Variants in RNF169 observed in about 807,000 individuals in gnomAD.
RNF169 encodes the protein ring finger protein 169.
RNF169 carries 24 observed loss-of-function variants against 53.9 expected under a neutral mutation model. The observed-to-expected ratio is 0.45, with a 90% CI of 0.32 to 0.63. The LOEUF is 0.63. RNF169 is among the 20% of genes least tolerant of loss of function. The probability of loss-of-function intolerance (pLI) is 0.04; values close to 1 mark genes in which losing one functional copy is unlikely to be tolerated. For missense variants in RNF169, 883 were observed against 906.2 expected (o/e 0.97, Z 0.33); for synonymous variants, 396 against 363.5 (o/e 1.09, Z -1.02).
intron 1 of RNF169, among the ~76,000 whole-genome samples, chr11:74,770,897 C>T (rs181125355): frequency 5.9e-5 from 9 of 152,108 alleles, no homozygotes; most frequent in African/African-American, 2.2e-4. Context: ...CCTCTGCCTC[C>T]TGGGTTCAAG....
In RNF169 at chr11:74,840,702, G is replaced by A. The variant is rs1298922648; in HGVS notation, c.*3972G>A. On this transcript the variant is annotated 3_prime_UTR_variant, in exon 6 of 6. Transcript: ENST00000299563. ...TAGGAGAGTGAGAAAAGAGAACAAAGGCTGGGTCACAGTCATAGAATGTTA... is the reference window on the plus strand; with the variant it reads ...TAGGAGAGTGAGAAAAGAGAACAAAAGCTGGGTCACAGTCATAGAATGTTA... 1 of 152,022 alleles carries A rather than the reference G, an allele frequency of 6.6e-6. No individual in the cohort carries two copies. Among genetic ancestry groups the A allele is most frequent in the African/African-American group, 2.4e-5 (1 of 41,350 alleles). 9.4% of individuals were successfully genotyped at this position (152,022 alleles called of 1,614,324 possible). A position where few individuals can be genotyped will look rare whatever the true frequency, so the allele number is the denominator to read the frequency against.
rs1422873194 is a variant in RNF169, at chr11:74,749,245, G to A, written c.365G>A (p.Gly122Asp). The A allele has an allele frequency of 9.2e-7, 1 of 1,090,064 alleles. No homozygotes were observed. The highest frequency in any genetic ancestry group is 5.1e-5 in the Admixed American group (1 of 19,570). 67.5% of individuals were successfully genotyped at this position (1,090,064 alleles called of 1,614,324 possible). A position where few individuals can be genotyped will look rare whatever the true frequency, so the allele number is the denominator to read the frequency against. The change falls in exon 1 of 6, where the codon GGC becomes GAC. Residue 122 changes from glycine to aspartate, a missense_variant. Physicochemically the swap from Gly to Asp is moderately conservative, Grantham distance 94. Coordinates refer to ENST00000299563, the MANE Select transcript of RNF169 (RefSeq NM_001098638.2). ...GCCCGCCGTCGGGCCCGCGACGACG[G>A]CCAGGCCGACTCAGAGGTGCTGGGC... is the stretch of plus-strand genomic sequence containing the variant. ...GWARRRARDDGQADSEVLGEC... is the reference protein window; with the variant it reads ...GWARRRARDDDQADSEVLGEC...
At chr11:74,831,545 ATTG>A (rs1726017600) in intron 4 of RNF169, 1 of 152,228 alleles carries the variant, frequency 6.6e-6, no homozygotes, top group South Asian at 2.1e-4. Flanking sequence ...AAGACATAAT[ATTG>A]TTAAGATGGC....
At chr11:74,827,953 A>AG (rs1319546939) in intron 4 of RNF169, among the ~76,000 whole-genome samples, 5 of 152,210 alleles carry the variant, frequency 3.3e-5, no homozygotes, top group African/African-American at 1.2e-4. Context: ...CACCACTCCT[A>AG]TTCGCCATAG....
At chr11:74,785,463 T>C (rs2035486602) in intron 1 of RNF169, among the ~76,000 whole-genome samples, 1 of 151,344 alleles carries the variant, frequency 6.6e-6, no homozygotes, top group Admixed American at 6.6e-5. Context: ...AGGATTTTTT[T>C]TTTCCTTCTT....
At chr11:74,820,948 G>C (rs190812959) in intron 4 of RNF169, among the ~76,000 whole-genome samples, 29 of 152,196 alleles carry the variant, frequency 1.9e-4, no homozygotes, top group African/African-American at 7.0e-4. Flanking sequence ...TATTCATCCT[G>C]CAAAATGTGT....
rs2036396834 is a variant in RNF169, at chr11:74,840,759, T to TA, written c.*4032dup. On this transcript the variant is annotated 3_prime_UTR_variant, in exon 6 of 6. Transcript: ENST00000299563. ...GAATGGGCATGGAAATCATCCAAGT[T>TA]AAACTTCTTCTCTGCCCCCCGCCCC... is the stretch of plus-strand genomic sequence containing the variant. 1 of 151,056 alleles carries TA rather than the reference T, an allele frequency of 6.6e-6. No individual in the cohort carries two copies. The highest frequency in any genetic ancestry group is 1.5e-5 in the Non-Finnish European group (1 of 67,914). 9.4% of individuals were successfully genotyped at this position (151,056 alleles called of 1,614,324 possible). A position where few individuals can be genotyped will look rare whatever the true frequency, so the allele number is the denominator to read the frequency against.
At chr11:74,764,107 A>C (rs2035133569) in intron 1 of RNF169, among the ~76,000 whole-genome samples, 1 of 152,262 alleles carries the variant, frequency 6.6e-6, no homozygotes, top group South Asian at 2.1e-4. Context: ...AAGTATAACC[A>C]AAAATGAAAG....
At chr11:74,781,983 G>T (rs1319019554) in intron 1 of RNF169, among the ~76,000 whole-genome samples, 1 of 152,206 alleles carries the variant, frequency 6.6e-6, no homozygotes, top group Non-Finnish European at 1.5e-5. Context: ...GCCAACCACT[G>T]TAATGATGCT....
At chr11:74,792,029 T>G (rs1473983863) in intron 2 of RNF169, among the ~76,000 whole-genome samples, 2 of 152,220 alleles carry the variant, frequency 1.3e-5, no homozygotes, top group Non-Finnish European at 2.9e-5. Flanking sequence ...AAGGTCACAT[T>G]AAAGAGAAAA....
At chr11:74,798,845 A>G (rs1392178213) in intron 2 of RNF169, among the ~76,000 whole-genome samples, 1 of 152,148 alleles carries the variant, frequency 6.6e-6, no homozygotes, top group Non-Finnish European at 1.5e-5. Context: ...CTACATGAAT[A>G]TCGGGACAGA....
chr11:74,758,751 A>T (rs10899043), intron 1 of RNF169, among the ~76,000 whole-genome samples: 2 of 151,822 alleles, frequency 1.3e-5, no homozygotes, highest in Non-Finnish European at 2.9e-5. Context: ...TGATCCGCCC[A>T]CCTTGGCCTC....
In RNF169 at chr11:74,762,984, T is replaced by A. The variant is rs76529875; in HGVS notation, c.502+13602T>A. Among the ~76,000 whole-genome samples the A allele has an allele frequency of 8.9e-4, 136 of 152,256 alleles. 2 individuals carry two copies. In the East Asian group the frequency reaches 0.022, roughly 25 times the overall value. ...CTAAGATTTCTGCATAAAGTTGAGA[T>A]TTTTGATGTGCTGCACTCTAGGTGA... On this transcript the variant is annotated intron_variant, in intron 1 of 5. Coordinates refer to ENST00000299563, the MANE Select transcript of RNF169 (RefSeq NM_001098638.2).
intron 1 of RNF169, among the ~76,000 whole-genome samples, chr11:74,787,684 C>T (rs905286655): frequency 7.2e-5 from 11 of 152,032 alleles, no homozygotes; most frequent in Non-Finnish European, 1.3e-4. Context: ...AATGGCACTC[C>T]CATGCATTGC....
chr11:74,810,261 A>G lies in RNF169; in HGVS notation c.654A>G (p.Thr218=). 1 of 1,613,812 alleles carries G rather than the reference A, an allele frequency of 6.2e-7. No homozygotes were observed. The highest frequency in any genetic ancestry group is 8.5e-7 in the Non-Finnish European group (1 of 1,179,714). Reference sequence around the variant, plus strand: ...AGCTGTTACCAGAGGATACAGAAACAGGGAAAAGGAAAATGGATGAACAGA... The same window carrying G: ...AGCTGTTACCAGAGGATACAGAAACGGGGAAAAGGAAAATGGATGAACAGA... The part of the protein sequence containing the change: ...IHKLLPEDTE[T]GKRKMDEQKK... Residue 218 remains threonine, a synonymous_variant, in exon 3 of 6, where the codon ACA becomes ACG. Coordinates refer to ENST00000299563, the MANE Select transcript of RNF169 (RefSeq NM_001098638.2).
intron 2 of RNF169, among the ~76,000 whole-genome samples, chr11:74,804,142 T>C (rs1325701173): frequency 1.3e-5 from 2 of 152,128 alleles, no homozygotes; most frequent in African/African-American, 4.8e-5. Context: ...ATCTCAAAGA[T>C]GTGCATGATA....
intron 2 of RNF169, among the ~76,000 whole-genome samples, chr11:74,797,006 C>A (rs1400090702): frequency 6.6e-6 from 1 of 152,170 alleles, no homozygotes; most frequent in African/African-American, 2.4e-5. Flanking sequence ...GCACGTACCA[C>A]CTTCCCTGGC....
chr11:74,836,891 G>C lies in RNF169; in HGVS notation c.*161G>C, dbSNP rs2036265821. The C allele has an allele frequency of 1.6e-6, 1 of 614,072 alleles. No individual in the cohort carries two copies. The highest frequency in any genetic ancestry group is 2.8e-6 in the Non-Finnish European group (1 of 362,864). 38.0% of individuals were successfully genotyped at this position (614,072 alleles called of 1,614,324 possible). On this transcript the variant is annotated 3_prime_UTR_variant, in exon 6 of 6. Transcript: ENST00000299563. ...TTTGTAGTCAATATCCAAGGGAAAA[G>C]CATCTCCGTTTCTCTGTGACCCAGG...
chr11:74,766,880 G>C (rs942562841), intron 1 of RNF169, among the ~76,000 whole-genome samples: 2 of 152,170 alleles, frequency 1.3e-5, no homozygotes. Flanking sequence ...GACTTGTTTT[G>C]GGGGCTTTTA....
Sources: gnomAD v4.1 joint callset for allele counts (sites outside exome capture counted in the v4.1 genomes callset) on GRCh38, gnomAD v4.1.1 for gene constraint, MANE v1.5 for transcripts, NCBI Gene and HGNC (gene_info 2026-07-23, HGNC 2026-07-21) for gene names.